Variants in ZNF225 observed in about 807,000 individuals in gnomAD.
The protein encoded by ZNF225 is zinc finger protein 225.
Under a neutral mutation model 12.0 loss-of-function variants are expected in ZNF225, and 6 were observed. The observed-to-expected ratio is 0.50, with a 90% CI of 0.27 to 0.98. The LOEUF is 0.98. Among genes scored for constraint, ZNF225 ranks in the 50% least tolerant of loss-of-function variants. The pLI is 0.11. For missense variants in ZNF225, 763 were observed against 848.2 expected (o/e 0.90, Z 1.25); for synonymous variants, 271 against 283.2 (o/e 0.96, Z 0.43).
intron 4 of ZNF225, among the ~76,000 whole-genome samples, chr19:44,123,315 A>G (rs1465963433): frequency 6.6e-6 from 1 of 152,112 alleles, no homozygotes; most frequent in Non-Finnish European, 1.5e-5. Context: ...GGTATGTTAA[A>G]CCATCCCTGC....
At chr19:44,123,196 C>T (rs1361343873) in intron 4 of ZNF225, among the ~76,000 whole-genome samples, 1 of 152,114 alleles carries the variant, frequency 6.6e-6, no homozygotes, top group Non-Finnish European at 1.5e-5. Context: ...GAGTTTTAAT[C>T]ATAAAGCGTT....
intron 4 of ZNF225, among the ~76,000 whole-genome samples, chr19:44,127,716 C>T (rs958301201): frequency 3.9e-5 from 6 of 151,950 alleles, no homozygotes; most frequent in African/African-American, 9.7e-5. Flanking sequence ...GGTGCCATGT[C>T]GGCTCACTGT....
intron 4 of ZNF225, among the ~76,000 whole-genome samples, chr19:44,127,297 A>G (rs566441894): frequency 6.6e-6 from 1 of 152,296 alleles, no homozygotes; most frequent in East Asian, 1.9e-4. Context: ...TTCTCCCACA[A>G]ACAGACCTTC....
At chr19:44,122,515 T>G (rs1341961506) in intron 4 of ZNF225, among the ~76,000 whole-genome samples, 1 of 152,214 alleles carries the variant, frequency 6.6e-6, no homozygotes, top group Non-Finnish European at 1.5e-5. Context: ...TTTAGCATTT[T>G]TTTTCTAATT....
chr19:44,131,966 G>T lies in ZNF225; in HGVS notation c.1352G>T (p.Arg451Ile), dbSNP rs767668066. The T allele has an allele frequency of 6.2e-7, 1 of 1,613,048 alleles. No individual in the cohort carries two copies. The highest frequency in any genetic ancestry group is 2.2e-5 in the East Asian group (1 of 44,750). ...CTTGACTTTCATCAGAGGGTCCACA[G>T]AGGAGAGAAACCCTATAATTGTAAG... ...LDLDFHQRVH[R>I]GEKPYNCKEC... is the part of the protein sequence containing the mutation. The change falls in exon 5 of 5, where the codon AGA becomes ATA. Residue 451 changes from arginine to isoleucine, a missense_variant. Coordinates refer to ENST00000262894, the MANE Select transcript of ZNF225 (RefSeq NM_013362.4).
At chr19:44,121,071 T>A (rs1000559090) in intron 4 of ZNF225, among the ~76,000 whole-genome samples, 7 of 152,142 alleles carry the variant, frequency 4.6e-5, no homozygotes, top group Non-Finnish European at 7.4e-5. Context: ...TAATTTTTTT[T>A]ATATTTTTAG....
rs1323565613 is a variant in ZNF225 at position 44,132,705 on chromosome 19, G to A, written c.2091G>A (p.Thr697=). 4.4e-6 allele frequency: 7 copies of A among 1,604,204 alleles called. No homozygotes were observed. Among genetic ancestry groups the A allele is most frequent in the African/African-American group, 2.7e-5 (2 of 74,288 alleles). The change falls in exon 5 of 5, where the codon ACG becomes ACA. Residue 697 remains threonine (T), a synonymous_variant. Coordinates refer to ENST00000262894, the MANE Select transcript of ZNF225 (RefSeq NM_013362.4). ...ACAAGAGGCGCTTGAATCTTGATAC[G>A]CTTTTGTCATTATTTTTAAATGACA... is the stretch of plus-strand genomic sequence containing the variant. The part of the protein sequence containing the change: ...KRYKRRLNLD[T]LLSLFLNDT
Sources: allele counts gnomAD v4.1 joint callset (sites outside exome capture counted in the v4.1 genomes callset), GRCh38; gene constraint gnomAD v4.1.1; transcripts MANE v1.5; gene names NCBI Gene and HGNC (gene_info 2026-07-23, HGNC 2026-07-21).